Variants in TAF2 observed in about 807,000 individuals in gnomAD.
TAF2 encodes the protein transcription initiation factor TFIID subunit 2.
TAF2 carries 61 observed loss-of-function variants against 138.5 expected under a neutral mutation model. That is an observed-to-expected ratio of 0.44 (90% CI 0.36 to 0.54). TAF2 has a LOEUF of 0.54. Ranked by LOEUF, TAF2 falls within the 20% of genes least tolerant of loss-of-function variation. The probability of loss-of-function intolerance (pLI) is 0.00; values close to 1 mark genes in which losing one functional copy is unlikely to be tolerated. For missense variants in TAF2, 1,090 were observed against 1,427.9 expected (o/e 0.76, Z 3.81); for synonymous variants, 475 against 469.9 (o/e 1.01, Z -0.14).
At chr8:119,757,586 ATTTT>A (rs755457771) in intron 21 of TAF2, among the ~76,000 whole-genome samples, 4 of 139,378 alleles carry the variant, frequency 2.9e-5, no homozygotes, top group Non-Finnish European at 3.2e-5. Context: ...TCTGCTAATA[ATTTT>A]TTTTTTTTTT....
intron 3 of TAF2, among the ~76,000 whole-genome samples, chr8:119,812,326 T>G (rs1825128011): frequency 1.0e-5 from 1 of 96,968 alleles, no homozygotes; most frequent in Non-Finnish European, 2.3e-5. Flanking sequence ...TGCTGCCTCA[T>G]TTTTTTTTTT....
At chr8:119,764,061 G>A (rs1435061657) in intron 18 of TAF2, among the ~76,000 whole-genome samples, 2 of 147,352 alleles carry the variant, frequency 1.4e-5, no homozygotes, top group Non-Finnish European at 3.0e-5. Flanking sequence ...AAGCAGAACT[G>A]CTTGAATCTG....
chr8:119,829,029 C>A (rs980062629), intron 2 of TAF2, among the ~76,000 whole-genome samples: 3 of 152,218 alleles, frequency 2.0e-5, no homozygotes, highest in African/African-American at 7.2e-5. Flanking sequence ...GCTCATAGGA[C>A]TTTGTAAGTT....
At chr8:119,779,376 G>A (rs1054825731) in intron 17 of TAF2, among the ~76,000 whole-genome samples, 4 of 151,054 alleles carry the variant, frequency 2.6e-5, no homozygotes, top group Middle Eastern at 3.4e-3. Flanking sequence ...AATAAAAATA[G>A]AAATAAAAAC....
intron 3 of TAF2, among the ~76,000 whole-genome samples, 167 bp downstream of exon 3, chr8:119,819,179 G>C (rs1825671672): frequency 6.6e-6 from 1 of 151,964 alleles, no homozygotes. Flanking sequence ...GGCACAGCTA[G>C]CAAAATCACT....
At chr8:119,740,837 C>T (rs1293658764) in intron 25 of TAF2, among the ~76,000 whole-genome samples, 2 of 152,018 alleles carry the variant, frequency 1.3e-5, no homozygotes, top group African/African-American at 4.8e-5. Flanking sequence ...AATTTTAAGA[C>T]TTGCTCAGTG....
chr8:119,745,925 T>C (rs1819933829), intron 23 of TAF2, among the ~76,000 whole-genome samples: 1 of 151,952 alleles, frequency 6.6e-6, no homozygotes, highest in Admixed American at 6.6e-5. Flanking sequence ...CATTCATTAT[T>C]TATTTCATTC....
chr8:119,746,897 C>G lies in TAF2; in HGVS notation c.2916G>C (p.Val972=). The G allele has an allele frequency of 6.2e-7, 1 of 1,614,038 alleles. No homozygotes were observed. The highest frequency in any genetic ancestry group is 8.5e-7 in the Non-Finnish European group (1 of 1,179,996). The part of the protein sequence containing the change: ...SHDWRLRCGA[V]DLYFTLFGLS... ...GGCCAAAAAGTGTGAAGTACAAGTCCACAGCACCACACCGTAACCTCCAGT... is the reference window on the plus strand; with the variant it reads ...GGCCAAAAAGTGTGAAGTACAAGTCGACAGCACCACACCGTAACCTCCAGT... The change falls in exon 23 of 26, where the codon GTG becomes GTC. Residue 972 remains valine, a synonymous_variant. Coordinates refer to ENST00000378164, the MANE Select transcript of TAF2 (RefSeq NM_003184.4).
At chr8:119,764,011 T>C (rs1006692263) in intron 18 of TAF2, among the ~76,000 whole-genome samples, 3 of 150,962 alleles carry the variant, frequency 2.0e-5, no homozygotes, top group African/African-American at 7.3e-5. Flanking sequence ...TAGCAGGGTG[T>C]GGTGGCACAC....
chr8:119,789,463 C>T lies in TAF2; in HGVS notation c.1568+129G>A. 7.2e-6 allele frequency: 8 copies of T among 1,112,918 alleles called. No homozygotes were observed. The South Asian group carries it at 1.0e-4, about 14-fold the overall frequency. 68.9% of individuals were successfully genotyped at this position (1,112,918 alleles called of 1,614,324 possible). A position where few individuals can be genotyped will look rare whatever the true frequency, so the allele number is the denominator to read the frequency against. ...AATTCACAGTTCATCATTATTTCTA[C>T]CATTGTTTAGAAATATAAACAGTTC... On this transcript the variant is annotated intron_variant, in intron 12 of 25. Transcript: ENST00000378164.
At chr8:119,781,230 CA>C (rs1209181009) in intron 16 of TAF2, 37 bp from the exon 17 acceptor site, 3 of 1,611,430 alleles carry the variant, frequency 1.9e-6, no homozygotes, top group Non-Finnish European at 2.5e-6. Flanking sequence ...TTTCCATTAC[CA>C]ATGCAAACAT....
At chr8:119,823,056 C>T (rs189789103) in intron 2 of TAF2, among the ~76,000 whole-genome samples, 1 of 152,260 alleles carries the variant, frequency 6.6e-6, no homozygotes, top group East Asian at 1.9e-4. Flanking sequence ...AGAAATATCA[C>T]TGTTTTTCTC....
chr8:119,758,303 A>G (rs10106425), intron 20 of TAF2, among the ~76,000 whole-genome samples, 161 bp from the exon 21 acceptor site: 24,838 of 152,172 alleles, frequency 0.16, 3,549 homozygotes, highest in African/African-American at 0.39. Flanking sequence ...TTTTTATGCA[A>G]TGGCCACTTT....
Position 119,775,565 on chromosome 8 carries a change from TGG to T in TAF2, c.2364+2452_2364+2453del, listed in dbSNP as rs1822169170. On this transcript the variant is annotated intron_variant, in intron 18 of 25. Transcript: ENST00000378164. ...TAAAAGTACAACAATTAGCTGGGCG[TGG>T]GGGTATGTGCCTATAGTCCCAGATA... is the stretch of plus-strand genomic sequence containing the variant. Among the ~76,000 whole-genome samples, 3 of 150,546 alleles carry T rather than the reference TGG, an allele frequency of 2.0e-5. No individual in the cohort carries two copies. The South Asian group carries it at 6.4e-4, about 32-fold the overall frequency.
intron 18 of TAF2, among the ~76,000 whole-genome samples, chr8:119,773,965 A>G (rs1822025986): frequency 6.6e-6 from 1 of 151,616 alleles, no homozygotes; most frequent in East Asian, 1.9e-4. Context: ...AGGTCAGGAG[A>G]TCGAGACCAT....
chr8:119,747,216 T>C (rs1820040023), intron 22 of TAF2, among the ~76,000 whole-genome samples: 1 of 152,224 alleles, frequency 6.6e-6, no homozygotes, highest in South Asian at 2.1e-4. Flanking sequence ...AACAGCCTGT[T>C]AGGAAGACAG....
chr8:119,831,580 T>C (rs1826448743), intron 2 of TAF2, 97 bp downstream of exon 2: 1 of 855,126 alleles, frequency 1.2e-6, no homozygotes, highest in Admixed American at 2.0e-5. Context: ...AACACAATTA[T>C]CTGGAAGACT....
intron 18 of TAF2, among the ~76,000 whole-genome samples, chr8:119,772,674 C>T (rs191489570): frequency 1.3e-5 from 2 of 151,954 alleles, no homozygotes; most frequent in Admixed American, 6.6e-5. Context: ...TGGTGGCTCA[C>T]GCTTGTAATC....
At chr8:119,822,009 A>T (rs1290473897) in intron 2 of TAF2, among the ~76,000 whole-genome samples, 1 of 152,102 alleles carries the variant, frequency 6.6e-6, no homozygotes, top group African/African-American at 2.4e-5. Flanking sequence ...ACAGAGCAAG[A>T]TCACATCTCA....
Sources: allele counts gnomAD v4.1 joint callset (sites outside exome capture counted in the v4.1 genomes callset), GRCh38; gene constraint gnomAD v4.1.1; transcripts MANE v1.5; gene names NCBI Gene and HGNC (gene_info 2026-07-23, HGNC 2026-07-21).